MCCC2: variants seen among roughly 807,000 people sequenced by gnomAD.
MCCC2 encodes methylcrotonyl-CoA carboxylase subunit 2.
MCCC2 carries 52 observed loss-of-function variants against 77.2 expected under a neutral mutation model. The observed-to-expected ratio is 0.67, with a 90% confidence interval of 0.54 to 0.85. MCCC2 has a LOEUF of 0.85. Ranked by LOEUF, MCCC2 falls within the 40% of genes least tolerant of loss-of-function variation. MCCC2 has a pLI of 0.00. For synonymous variants in MCCC2, 253 were observed against 248.4 expected (o/e 1.02, Z -0.18); for missense variants, 682 against 703.2 (o/e 0.97, Z 0.34).
rs1387708423 is a variant in MCCC2, at chr5:71,587,664, C to A, written c.129+110C>A. Reference sequence around the variant, plus strand: ...CTCTTGTCCGGAGCCCCAGTTGATTCTGTGACGCACGTGAAGTTTGAAGAA... The same window carrying A: ...CTCTTGTCCGGAGCCCCAGTTGATTATGTGACGCACGTGAAGTTTGAAGAA... On this transcript the variant is annotated intron_variant, in intron 1 of 16. Transcript: ENST00000340941. 4.3e-6 allele frequency: 6 copies of A among 1,382,728 alleles called. No homozygotes were observed. In the African/African-American group the frequency reaches 7.2e-5, roughly 17 times the overall value. 85.7% of individuals were successfully genotyped at this position (1,382,728 alleles called of 1,614,324 possible).
rs1275108382 is a variant in MCCC2, at chr5:71,633,120, TA to T, written c.803+936del. Among the ~76,000 whole-genome samples the T allele has an allele frequency of 2.1e-4, 25 of 117,514 alleles. 1 individual carries two copies. The highest frequency in any genetic ancestry group is 7.8e-4 in the African/African-American group (24 of 30,850). 77.1% of individuals were successfully genotyped at this position (117,514 alleles called of 152,430 possible). ...ATATATATATATATATATATATATA[TA>T]TATATATATATTTTTATTTTTTGTA... On this transcript the variant is annotated intron_variant, in intron 8 of 16. Transcript: ENST00000340941.
rs947174897 is a variant in MCCC2, at chr5:71,632,133, A to G, written c.751A>G (p.Thr251Ala). 3.7e-6 allele frequency: 6 copies of G among 1,614,080 alleles called. No individual in the cohort carries two copies. The highest frequency in any genetic ancestry group is 5.1e-6 in the Non-Finnish European group (6 of 1,180,016). The change falls in exon 8 of 17, where the codon ACT becomes GCT. Residue 251 changes from threonine (T) to alanine (A), a missense_variant. Physicochemically the swap from Thr to Ala is moderately conservative, Grantham distance 58 (BLOSUM62 0). Transcript: ENST00000340941. ...ATCCTTGTTGTAGGTTAAAGCGGCAACTGGGGAAGAAGTATCTGCTGAGGA... is the reference window on the plus strand; with the variant it reads ...ATCCTTGTTGTAGGTTAAAGCGGCAGCTGGGGAAGAAGTATCTGCTGAGGA... ...LAGPPLVKAA[T>A]GEEVSAEDLG...
chr5:71,631,907 GTTC>G (rs1746728332), intron 7 of MCCC2, among the ~76,000 whole-genome samples: 1 of 152,174 alleles, frequency 6.6e-6, no homozygotes, highest in Admixed American at 6.5e-5. Context: ...CTGTAAGCAA[GTTC>G]TTTGTGACTC....
chr5:71,592,776 G>C, intron 1 of MCCC2, 150 bp from the exon 2 acceptor site: 1 of 687,892 alleles, frequency 1.5e-6, no homozygotes, highest in Non-Finnish European at 2.6e-6. Flanking sequence ...CAGTGGCCCA[G>C]CGTGGCTGCC....
At chr5:71,605,703 T>G (rs1215029792) in intron 6 of MCCC2, among the ~76,000 whole-genome samples, 2 of 152,092 alleles carry the variant, frequency 1.3e-5, no homozygotes, top group African/African-American at 4.8e-5. Context: ...AGGGTTTTTA[T>G]GGTTTTTGGT....
chr5:71,630,117 A>C (rs1746658276), intron 7 of MCCC2, among the ~76,000 whole-genome samples: 2 of 152,162 alleles, frequency 1.3e-5, no homozygotes, highest in African/African-American at 4.8e-5. Flanking sequence ...CCAGCAATCC[A>C]CCTTTGAAAG....
chr5:71,631,168 A>G (rs1380263803), intron 7 of MCCC2, among the ~76,000 whole-genome samples: 1 of 152,206 alleles, frequency 6.6e-6, no homozygotes, highest in East Asian at 1.9e-4. Flanking sequence ...TTGAGTATTC[A>G]AAGATGAATA....
At chr5:71,604,546 C>A in intron 6 of MCCC2, 78 bp downstream of exon 6, 3 of 1,085,722 alleles carry the variant, frequency 2.8e-6, no homozygotes, top group Non-Finnish European at 4.2e-6. Flanking sequence ...TCTGGGATGG[C>A]TTGAAAGTAA....
intron 6 of MCCC2, among the ~76,000 whole-genome samples, chr5:71,609,930 G>C (rs1213763148): frequency 6.6e-6 from 1 of 152,056 alleles, no homozygotes; most frequent in African/African-American, 2.4e-5. Flanking sequence ...CCCGTTCTCA[G>C]ATCTCCAGCT....
At chr5:71,607,328 T>C (rs1224563067) in intron 6 of MCCC2, among the ~76,000 whole-genome samples, 2 of 152,168 alleles carry the variant, frequency 1.3e-5, no homozygotes, top group Non-Finnish European at 2.9e-5. Context: ...TCGAGGAATT[T>C]ATCCATTTCT....
chr5:71,623,209 C>A (rs936386806), intron 6 of MCCC2, among the ~76,000 whole-genome samples: 2 of 152,164 alleles, frequency 1.3e-5, no homozygotes, highest in Non-Finnish European at 2.9e-5. Context: ...CCTATTGTAG[C>A]AGAACAAATT....
rs369344832 is a variant in MCCC2, at chr5:71,638,460, G to A, written c.1000-2543G>A. Among the ~76,000 whole-genome samples the A allele has an allele frequency of 4.9e-3, 745 of 152,162 alleles. 6 individuals carry two copies. The highest frequency in any genetic ancestry group is 0.017 in the African/African-American group (705 of 41,562). On this transcript the variant is annotated intron_variant, in intron 10 of 16. Transcript: ENST00000340941. ...GGTGAATCCTTTCCAAAAGGTTTTC[G>A]ATTTACTTTGCCCAGATCTGTCAGA...
chr5:71,634,833 T>G, intron 8 of MCCC2, 110 bp from the exon 9 acceptor site: 1 of 961,794 alleles, frequency 1.0e-6, no homozygotes, highest in Non-Finnish European at 1.6e-6. Flanking sequence ...TTAAGTGTTT[T>G]AGAAGTAAAA....
Position 71,632,583 on chromosome 5 carries a change from C to T in MCCC2, c.803+398C>T, listed in dbSNP as rs140661240. Among the ~76,000 whole-genome samples the T allele has an allele frequency of 1.5e-4, 23 of 152,220 alleles. No individual in the cohort carries two copies. The East Asian group carries it at 4.4e-3, about 29-fold the overall frequency. On this transcript the variant is annotated intron_variant, in intron 8 of 16. Coordinates refer to ENST00000340941, the MANE Select transcript of MCCC2 (RefSeq NM_022132.5). The stretch of plus-strand genomic sequence containing the variant: ...TGTGGCTGATACGCGATAAGGCTTA[C>T]AAAGGAGAAGAGGGAAGAGCATAGA...
intron 6 of MCCC2, among the ~76,000 whole-genome samples, chr5:71,611,957 T>G (rs1745967396): frequency 6.6e-6 from 1 of 151,774 alleles, no homozygotes; most frequent in Non-Finnish European, 1.5e-5. Context: ...CCCGGCTAAT[T>G]TTTTGTATTT....
chr5:71,615,249 G>A (rs575328663), intron 6 of MCCC2, among the ~76,000 whole-genome samples: 3 of 152,142 alleles, frequency 2.0e-5, no homozygotes, highest in South Asian at 2.1e-4. Flanking sequence ...GATTATAGGC[G>A]TGAGCCACCG....
intron 2 of MCCC2, 97 bp downstream of exon 2, chr5:71,593,089 ATTTTT>A: frequency 1.3e-6 from 1 of 799,464 alleles, no homozygotes; most frequent in Non-Finnish European, 1.9e-6. Flanking sequence ...AGCTTTTGAT[ATTTTT>A]TTTTTTTTTT....
intron 11 of MCCC2, among the ~76,000 whole-genome samples, chr5:71,643,480 T>C (rs1747185386): frequency 1.3e-5 from 2 of 152,250 alleles, no homozygotes; most frequent in Admixed American, 6.5e-5. Flanking sequence ...TTAAAAATGA[T>C]ATTTTTATAG....
At chr5:71,594,404 T>G (rs1386756487) in intron 2 of MCCC2, among the ~76,000 whole-genome samples, 1 of 151,950 alleles carries the variant, frequency 6.6e-6, no homozygotes. Flanking sequence ...GGCGCATGCT[T>G]GTAATCCCAC....
Sources: allele counts gnomAD v4.1 joint callset (sites outside exome capture counted in the v4.1 genomes callset), GRCh38; gene constraint gnomAD v4.1.1; transcripts MANE v1.5; gene names NCBI Gene and HGNC (gene_info 2026-07-23, HGNC 2026-07-21).